Variants in UNC5C observed in about 807,000 individuals in gnomAD.
The protein encoded by UNC5C is unc-5 netrin receptor C.
In UNC5C, 47 loss-of-function variants were observed where a neutral mutation model predicts 99.8. The observed-to-expected ratio is 0.47, with a 90% CI of 0.37 to 0.60. The LOEUF (loss-of-function observed/expected upper bound fraction) is 0.60. UNC5C is among the 20% of genes least tolerant of loss of function. UNC5C has a pLI of 0.00. For synonymous variants in UNC5C, 487 were observed against 452.2 expected, an observed-to-expected ratio of 1.08 and a Z score of -0.98; for missense variants, 1,062 against 1,165.9, an observed-to-expected ratio of 0.91 and a Z score of 1.30.
rs1735944874 is a variant in UNC5C, at chr4:95,168,484, T to A, written c.*750A>T. The A allele has an allele frequency of 6.6e-6, 1 of 152,494 alleles. No homozygotes were observed. Among genetic ancestry groups the A allele is most frequent in the South Asian group, 2.1e-4 (1 of 4,830 alleles). The allele number at this position is 152,494 out of a possible 1,614,324, so 9.4% of individuals were successfully genotyped here. A position where few individuals can be genotyped will look rare whatever the true frequency, so the allele number is the denominator to read the frequency against. ...ATTGCATATTACAAACAAACACACA[T>A]GTTGTGAAAAAAATGCTTGTTTGTG... is the stretch of plus-strand genomic sequence containing the variant. On this transcript the variant is annotated 3_prime_UTR_variant, in exon 16 of 16. Transcript: ENST00000453304.
At chr4:95,254,394 A>G (rs1318702177) in intron 4 of UNC5C, among the ~76,000 whole-genome samples, 1 of 152,194 alleles carries the variant, frequency 6.6e-6, no homozygotes, top group East Asian at 1.9e-4. Context: ...AAACATTTGT[A>G]ATATATTAAT....
Position 95,390,830 on chromosome 4 carries a change from G to T in UNC5C, c.125-55199C>A, listed in dbSNP as rs192698471. Among the ~76,000 whole-genome samples the T allele has an allele frequency of 8.9e-3, 1,352 of 152,230 alleles. 20 individuals carry two copies. The highest frequency in any genetic ancestry group is 0.031 in the African/African-American group (1,306 of 41,526). On this transcript the variant is annotated intron_variant, in intron 1 of 15. Coordinates refer to ENST00000453304, the MANE Select transcript of UNC5C (RefSeq NM_003728.4). ...CAAGCTCAAACTCCTGGACTCGAGA[G>T]ATTCTCCCATCTCAGCCTCCAGAGT...
intron 1 of UNC5C, among the ~76,000 whole-genome samples, chr4:95,533,508 A>C (rs1290726621): frequency 6.6e-6 from 1 of 152,064 alleles, no homozygotes; most frequent in Non-Finnish European, 1.5e-5. Context: ...ATACATCATT[A>C]AATATAACAT....
At chr4:95,541,085 A>C (rs756356625) in intron 1 of UNC5C, among the ~76,000 whole-genome samples, 3 of 152,192 alleles carry the variant, frequency 2.0e-5, no homozygotes, top group Admixed American at 6.5e-5. Flanking sequence ...TAGAGAATAG[A>C]AGAGTCCCAA....
intron 3 of UNC5C, among the ~76,000 whole-genome samples, chr4:95,279,935 T>A (rs1347862805): frequency 6.6e-6 from 1 of 152,154 alleles, no homozygotes; most frequent in African/African-American, 2.4e-5. Context: ...TTGATTCTCA[T>A]AAGAAGTGTG....
At chr4:95,294,269 C>A (rs118173437) in intron 3 of UNC5C, among the ~76,000 whole-genome samples, 1 of 152,136 alleles carries the variant, frequency 6.6e-6, no homozygotes, top group Non-Finnish European at 1.5e-5. Flanking sequence ...TATAGACTCA[C>A]GAATATGAAC....
intron 3 of UNC5C, among the ~76,000 whole-genome samples, chr4:95,288,804 A>G (rs1402808851): frequency 6.6e-6 from 1 of 152,210 alleles, no homozygotes; most frequent in Admixed American, 6.5e-5. Flanking sequence ...TCTTTCTCTT[A>G]CAAGGCATTT....
chr4:95,204,212 T>A (rs532725163), intron 11 of UNC5C, among the ~76,000 whole-genome samples: 4 of 152,266 alleles, frequency 2.6e-5, no homozygotes, highest in Admixed American at 2.6e-4. Flanking sequence ...GAAATAAAAA[T>A]AAATGGAAGT....
At chr4:95,540,793 T>C (rs1007867039) in intron 1 of UNC5C, among the ~76,000 whole-genome samples, 5 of 152,224 alleles carry the variant, frequency 3.3e-5, no homozygotes, top group African/African-American at 1.2e-4. Flanking sequence ...TTATTTACTT[T>C]GTATTTCCAA....
At chr4:95,510,670 A>G (rs1051722897) in intron 1 of UNC5C, among the ~76,000 whole-genome samples, 1 of 152,092 alleles carries the variant, frequency 6.6e-6, no homozygotes, top group African/African-American at 2.4e-5. Flanking sequence ...AAAATCAAAT[A>G]ACCAGACTTT....
At chr4:95,227,325 A>T (rs60492600) in intron 7 of UNC5C, among the ~76,000 whole-genome samples, 16,738 of 151,240 alleles carry the variant, frequency 0.11, 1,428 homozygotes, top group African/African-American at 0.23. Context: ...TATTTAAAAA[A>T]TTTTTTTTGT....
chr4:95,477,939 C>A (rs565699818), intron 1 of UNC5C, among the ~76,000 whole-genome samples: 1 of 151,936 alleles, frequency 6.6e-6, no homozygotes. Flanking sequence ...ATTAATAGTA[C>A]CTACTTTACA....
intron 1 of UNC5C, among the ~76,000 whole-genome samples, chr4:95,485,296 T>C (rs764217621): frequency 1.1e-4 from 17 of 151,796 alleles, no homozygotes; most frequent in African/African-American, 1.7e-4. Flanking sequence ...ATTTTAATGA[T>C]ACTAAATGAG....
At position 95,349,576 on chromosome 4, in the gene UNC5C, T is replaced by G. The variant is rs182025095; in HGVS notation, c.125-13945A>C. ...CCTATTTTTTCTGCTTTTTGAGCTTTTATTCAAATCAAGAGATAGAGAAAT... is the reference window on the plus strand; with the variant it reads ...CCTATTTTTTCTGCTTTTTGAGCTTGTATTCAAATCAAGAGATAGAGAAAT... On this transcript the variant is annotated intron_variant, in intron 1 of 15. Transcript: ENST00000453304. Among the ~76,000 whole-genome samples, 10 of 151,768 alleles carry G rather than the reference T, an allele frequency of 6.6e-5. No homozygotes were observed. The East Asian group carries it at 2.0e-3, about 30-fold the overall frequency.
chr4:95,399,576 A>G (rs1029040446), intron 1 of UNC5C, among the ~76,000 whole-genome samples: 16 of 152,082 alleles, frequency 1.1e-4, no homozygotes, highest in African/African-American at 3.9e-4. Context: ...CTCTATTTAC[A>G]CTGGTATTTT....
chr4:95,544,823 C>T (rs1723015486), intron 1 of UNC5C, among the ~76,000 whole-genome samples: 1 of 152,136 alleles, frequency 6.6e-6, no homozygotes, highest in South Asian at 2.1e-4. Flanking sequence ...AATCTCAACC[C>T]CCACAATTTT....
intron 1 of UNC5C, among the ~76,000 whole-genome samples, chr4:95,382,452 G>A (rs1271135380): frequency 1.7e-5 from 2 of 116,746 alleles, no homozygotes; most frequent in African/African-American, 3.5e-5. Context: ...GAGTGAGACC[G>A]TCTGTCAAAA....
At chr4:95,427,077 G>T (rs1190892634) in intron 1 of UNC5C, among the ~76,000 whole-genome samples, 1 of 152,172 alleles carries the variant, frequency 6.6e-6, no homozygotes, top group Non-Finnish European at 1.5e-5. Flanking sequence ...CTTTGAGGGG[G>T]TTCAAGACTT....
intron 10 of UNC5C, among the ~76,000 whole-genome samples, chr4:95,210,815 T>C (rs1306253781): frequency 7.9e-5 from 12 of 152,222 alleles, no homozygotes; most frequent in Admixed American, 7.8e-4. Flanking sequence ...ATCCTTTGCT[T>C]GTCATTATCA....
Sources: gnomAD v4.1 joint callset for allele counts (sites outside exome capture counted in the v4.1 genomes callset) on GRCh38, gnomAD v4.1.1 for gene constraint, MANE v1.5 for transcripts, NCBI Gene and HGNC (gene_info 2026-07-23, HGNC 2026-07-21) for gene names.